The following SERF2 variants were observed in gnomAD, a reference collection of about 807,000 sequenced individuals.
SERF2 encodes the protein gastric cancer-related protein VRG107.
In SERF2, 4 loss-of-function variants were observed where a neutral mutation model predicts 10.7. The observed-to-expected ratio is 0.37, with a 90% CI of 0.18 to 0.86. SERF2 has a LOEUF of 0.86. SERF2 is among the 40% of genes least tolerant of loss of function. SERF2 has a pLI of 0.43. For missense variants in SERF2, 47 were observed against 79.1 expected, an observed-to-expected ratio of 0.59 and a Z score of 1.54; for synonymous variants, 26 against 26.0, an observed-to-expected ratio of 1.00 and a Z score of 0.01.
chr15:43,792,701 C>CA, intron 1 of SERF2: 1 of 1,097,956 alleles, frequency 9.1e-7, no homozygotes, highest in Non-Finnish European at 1.3e-6. Context: ...ACCGTCCACA[C>CA]ACACCTTGCC....
chr15:43,795,128 CG>C lies in SERF2; in HGVS notation c.*1356del. The C allele has an allele frequency of 6.2e-7, 1 of 1,614,020 alleles. No homozygotes were observed. The highest frequency in any genetic ancestry group is 8.5e-7 in the Non-Finnish European group (1 of 1,180,014). On this transcript the variant is annotated 3_prime_UTR_variant, in exon 3 of 3. Coordinates refer to ENST00000249786, the MANE Select transcript of SERF2 (RefSeq NM_001018108.4). ...AGTAACAGCCCCAGATAGAGGAGTA[CG>C]CAGGCCCAGCATGAGGCAACCTTGA...
intron 2 of SERF2, chr15:43,793,470 T>G: frequency 8.6e-7 from 1 of 1,166,088 alleles, no homozygotes; most frequent in Non-Finnish European, 1.2e-6. Flanking sequence ...CAATACAGAA[T>G]AGAGACCCTT....
upstream of SERF2, among the ~76,000 whole-genome samples, chr15:43,787,953 C>G (rs1322871582): frequency 2.7e-5 from 4 of 150,288 alleles, no homozygotes; most frequent in Admixed American, 2.7e-4. Flanking sequence ...TGGCTCACTG[C>G]AACCTCCTCC....
chr15:43,792,124 C>T (rs574301098), upstream of SERF2: 2 of 583,862 alleles, frequency 3.4e-6, no homozygotes, highest in South Asian at 3.9e-5. Flanking sequence ...CAGGCCCGTC[C>T]CTACGTCTCA....
chr15:43,783,794 C>G (rs920644728), intron 1 of SERF2, among the ~76,000 whole-genome samples: 1 of 151,622 alleles, frequency 6.6e-6, no homozygotes, highest in African/African-American at 2.4e-5. Context: ...TGGAATCTTC[C>G]TCTGTCGTCC....
chr15:43,794,887 C>T lies in SERF2; in HGVS notation c.*1114C>T, dbSNP rs2087166008. The T allele has an allele frequency of 1.2e-6, 1 of 816,262 alleles. No homozygotes were observed. Among genetic ancestry groups the T allele is most frequent in the Non-Finnish European group, 2.0e-6 (1 of 508,736 alleles). 50.6% of individuals were successfully genotyped at this position (816,262 alleles called of 1,614,324 possible). ...CCAGTTCATAGTATTGACTTCAGCC[C>T]AAACGGAGATAACTCCCTGTGTGTC... On this transcript the variant is annotated 3_prime_UTR_variant, in exon 3 of 3. Transcript: ENST00000249786.
rs192719626 is a variant in SERF2 at position 43,794,742 on chromosome 15, G to C, written c.*969G>C. The C allele has an allele frequency of 1.8e-5, 8 of 442,120 alleles. No homozygotes were observed. The highest frequency in any genetic ancestry group is 1.4e-4 in the South Asian group (4 of 28,972). 27.4% of individuals were successfully genotyped at this position (442,120 alleles called of 1,614,324 possible). Reference sequence around the variant, plus strand: ...TGCCACACTGTCTGCTGGGATCAGCGGTGGTTCTTTGAGCTGCTGATTTGG... The same window carrying C: ...TGCCACACTGTCTGCTGGGATCAGCCGTGGTTCTTTGAGCTGCTGATTTGG... On this transcript the variant is annotated 3_prime_UTR_variant, in exon 3 of 3. Transcript: ENST00000249786.
chr15:43,784,273 T>C (rs1333092229), intron 1 of SERF2, among the ~76,000 whole-genome samples: 2 of 152,136 alleles, frequency 1.3e-5, no homozygotes, highest in African/African-American at 4.8e-5. Context: ...TCGTTTCCAG[T>C]GTTGCTGCTG....
intron 1 of SERF2, among the ~76,000 whole-genome samples, chr15:43,778,455 C>T (rs1036142518): frequency 1.3e-5 from 2 of 151,100 alleles, no homozygotes; most frequent in East Asian, 1.9e-4. Context: ...GCAGGAGGAT[C>T]GCTTGAATCC....
intron 1 of SERF2, 87 bp from the exon 2 acceptor site, chr15:43,792,888 C>T: frequency 1.0e-6 from 1 of 959,478 alleles, no homozygotes; most frequent in Non-Finnish European, 1.6e-6. Flanking sequence ...GGTGTTGGAT[C>T]CTGCTGCTGG....
chr15:43,792,576 C>G lies in SERF2; in HGVS notation c.7+193C>G, dbSNP rs1292741898. On this transcript the variant is annotated intron_variant, in intron 1 of 2. Coordinates refer to ENST00000249786, the MANE Select transcript of SERF2 (RefSeq NM_001018108.4). ...CGGCTACTTCACGGGACCACCCTCC[C>G]GGGTTAGGCATAGGCCCTCCCGGAT... The G allele has an allele frequency of 2.0e-6, 3 of 1,468,024 alleles. No homozygotes were observed. In the African/African-American group the frequency reaches 4.2e-5, roughly 21 times the overall value. The allele number at this position is 1,468,024 out of a possible 1,614,324, so 90.9% of individuals were successfully genotyped here. A position where few individuals can be genotyped will look rare whatever the true frequency, so the allele number is the denominator to read the frequency against.
At chr15:43,784,262 C>A (rs2086987653) in intron 1 of SERF2, among the ~76,000 whole-genome samples, 1 of 152,098 alleles carries the variant, frequency 6.6e-6, no homozygotes, top group East Asian at 1.9e-4. Flanking sequence ...CCATTGTCTT[C>A]TCGTTTCCAG....
At chr15:43,792,696 C>A in intron 1 of SERF2, 1 of 1,127,366 alleles carries the variant, frequency 8.9e-7, no homozygotes, top group Non-Finnish European at 1.2e-6. Context: ...CCCAAACCGT[C>A]CACACACACC....
At chr15:43,792,492 C>A in intron 1 of SERF2, 109 bp downstream of exon 1, 1 of 1,593,292 alleles carries the variant, frequency 6.3e-7, no homozygotes. Context: ...AGGCGTTTCT[C>A]TGGGCGCGCT....
chr15:43,796,068 G>A lies in SERF2; in HGVS notation c.*2295G>A. 1 of 965,158 alleles carries A rather than the reference G, an allele frequency of 1.0e-6. No individual in the cohort carries two copies. Among genetic ancestry groups the A allele is most frequent in the Non-Finnish European group, 1.7e-6 (1 of 598,122 alleles). The allele number at this position is 965,158 out of a possible 1,614,324, so 59.8% of individuals were successfully genotyped here. On this transcript the variant is annotated 3_prime_UTR_variant, in exon 3 of 3. Coordinates refer to ENST00000249786, the MANE Select transcript of SERF2 (RefSeq NM_001018108.4). Reference sequence around the variant, plus strand: ...AAAGGTAACAGCAGCTATAATCTGAGCATTCTGGGTAGAGGTTGGTAGGAT... The same window carrying A: ...AAAGGTAACAGCAGCTATAATCTGAACATTCTGGGTAGAGGTTGGTAGGAT...
At chr15:43,779,601 C>T (rs1214532516) in intron 1 of SERF2, among the ~76,000 whole-genome samples, 8 of 152,054 alleles carry the variant, frequency 5.3e-5, no homozygotes, top group Non-Finnish European at 1.0e-4. Flanking sequence ...AAGCAGTCCA[C>T]CCACCTCAGC....
chr15:43,793,057 G>A lies in SERF2; in HGVS notation c.90G>A (p.Gly30=), dbSNP rs747348461. The A allele has an allele frequency of 4.3e-6, 7 of 1,612,520 alleles. No individual in the cohort carries two copies. In the African/African-American group the frequency reaches 6.7e-5, roughly 15 times the overall value. Residue 30 remains glycine (G), a synonymous_variant, in exon 2 of 3, where the codon GGG becomes GGA. Transcript: ENST00000249786. The part of the protein sequence containing the change: ...DSVKGKRRDD[G]LSAAARKQRD... ...TTAAGGGAAAGCGCCGAGATGACGG[G>A]CTTTCTGCTGCCGCCCGCAAGCAGA...
chr15:43,784,497 C>T (rs1170303684), intron 1 of SERF2, among the ~76,000 whole-genome samples: 1 of 152,074 alleles, frequency 6.6e-6, no homozygotes. Flanking sequence ...GAGATGGTGT[C>T]TCACTCTGTC....
chr15:43,783,927 A>ATTTTTTTTTTTTTTT (rs71111825), intron 1 of SERF2, among the ~76,000 whole-genome samples: 33 of 48,152 alleles, frequency 6.9e-4, no homozygotes, highest in East Asian at 2.4e-3. Flanking sequence ...ACGCCCAGCT[A>ATTTTTTTTTTTTTTT]TTTTTTTTTT....
Sources: allele counts gnomAD v4.1 joint callset (sites outside exome capture counted in the v4.1 genomes callset), GRCh38; gene constraint gnomAD v4.1.1; transcripts MANE v1.5; gene names NCBI Gene and HGNC (gene_info 2026-07-23, HGNC 2026-07-21).